Variants in DNMBP observed in about 807,000 individuals in gnomAD.
DNMBP encodes the protein dynamin-binding protein.
In DNMBP, 87 loss-of-function variants were observed where a neutral mutation model predicts 150.0. That is an observed-to-expected ratio of 0.58 (90% CI 0.49 to 0.69). The LOEUF is 0.69. DNMBP is among the 30% of genes least tolerant of loss of function. DNMBP has a pLI of 0.00. For missense variants in DNMBP, 1,774 were observed against 1,949.0 expected, an observed-to-expected ratio of 0.91 and a Z score of 1.69; for synonymous variants, 711 against 750.4, an observed-to-expected ratio of 0.95 and a Z score of 0.86.
Position 99,884,078 on chromosome 10 carries a change from G to T in DNMBP, c.3930C>A (p.Asp1310Glu), listed in dbSNP as rs1190756415. ...CTTTTTTCTTAATCACACCCACCAG[G>T]TCACCTTCCAAAAGTGAGACATCCA... ...QDLDVSLLEG[D>E]LVGVIKKKDP... Residue 1310 changes from aspartate (D) to glutamate (E), a missense_variant, in exon 15 of 17, where the codon GAC (aspartate) becomes GAA (glutamate). Physicochemically the swap from Asp to Glu is conservative, Grantham distance 45. Coordinates refer to ENST00000324109, the MANE Select transcript of DNMBP (RefSeq NM_015221.4). The T allele has an allele frequency of 6.2e-7, 1 of 1,613,880 alleles. No individual in the cohort carries two copies. The highest frequency in any genetic ancestry group is 1.3e-5 in the African/African-American group (1 of 74,856).
In DNMBP at chr10:99,879,939, T is replaced by C. The variant is rs757529297; in HGVS notation, c.4420A>G (p.Ile1474Val). The stretch of plus-strand genomic sequence containing the variant: ...CGTCCTGGTACGGAGTAGCCAACTA[T>C]TTCTGGATGCCTGAAGTTCCGGTAG... ...RSYRNFRHPE[I>V]VGYSVPGRNG... Residue 1474 changes from isoleucine to valine, a missense_variant, in exon 16 of 17, where the codon ATA becomes GTA. By Grantham distance (29) the Ile-to-Val change is conservative. This residue lies in a region of DNMBP where 1,430 missense variants were observed against 1,492.5 expected (regional missense o/e 0.96). Coordinates refer to ENST00000324109, the MANE Select transcript of DNMBP (RefSeq NM_015221.4). 14 of 1,614,110 alleles carry C rather than the reference T, an allele frequency of 8.7e-6. No homozygotes were observed. In the South Asian group the frequency reaches 1.5e-4, roughly 18 times the overall value.
At chr10:99,945,560 G>A (rs1305563700) in intron 4 of DNMBP, among the ~76,000 whole-genome samples, 2 of 152,188 alleles carry the variant, frequency 1.3e-5, no homozygotes, top group Admixed American at 6.6e-5. Context: ...GATCTTATAA[G>A]GGTAGTCTAA....
At position 99,879,895 on chromosome 10, in the gene DNMBP, G is replaced by T; in HGVS notation, c.4464C>A (p.Asp1488Glu). 2 of 1,614,246 alleles carry T rather than the reference G, an allele frequency of 1.2e-6. No homozygotes were observed. Among genetic ancestry groups the T allele is most frequent in the Non-Finnish European group, 1.7e-6 (2 of 1,180,042 alleles). ...CTGTTCTTGCACATCCTTTGACGAG[G>T]TCTTGACTTTGCCCATTTCGTCCTG... is the stretch of plus-strand genomic sequence containing the variant. Reference protein sequence around the residue: ...SVPGRNGQSQDLVKGCARTAQ... With the variant: ...SVPGRNGQSQELVKGCARTAQ... Residue 1488 changes from aspartate (D) to glutamate (E), a missense_variant, in exon 16 of 17, where the codon GAC (aspartate) becomes GAA (glutamate). Around this residue, in one of 2 missense-constraint regions of DNMBP, gnomAD observed 1,430 missense variants for 1,492.5 expected, o/e 0.96. Transcript: ENST00000324109.
At chr10:99,898,372 A>T (rs771034238) in intron 8 of DNMBP, 87 bp from the exon 9 acceptor site, 2 of 1,162,448 alleles carry the variant, frequency 1.7e-6, no homozygotes, top group South Asian at 2.5e-5. Flanking sequence ...CCTTAAAAAA[A>T]ACTTTTTTTT....
intron 4 of DNMBP, among the ~76,000 whole-genome samples, chr10:99,949,436 A>G (rs1392355037): frequency 6.6e-6 from 1 of 152,246 alleles, no homozygotes; most frequent in Non-Finnish European, 1.5e-5. Context: ...GAACCAGATT[A>G]GAGAAGTAAT....
At position 99,880,370 on chromosome 10, in the gene DNMBP, G is replaced by C; in HGVS notation, c.3998-9C>G. The C allele has an allele frequency of 1.9e-6, 3 of 1,555,514 alleles. No homozygotes were observed. Among genetic ancestry groups the C allele is most frequent in the Non-Finnish European group, 2.6e-6 (3 of 1,154,502 alleles). ...CACGAAGCCTTTGGTGACTACAAAGGAAACAGGAAATATAAACAAGAACTC... is the reference window on the plus strand; with the variant it reads ...CACGAAGCCTTTGGTGACTACAAAGCAAACAGGAAATATAAACAAGAACTC... On this transcript the variant is annotated splice_polypyrimidine_tract_variant and intron_variant, in intron 15 of 16. Transcript: ENST00000324109.
chr10:99,958,273 A>G (rs973422174), intron 3 of DNMBP: 3 of 152,256 alleles, frequency 2.0e-5, no homozygotes, highest in Non-Finnish European at 4.4e-5. Flanking sequence ...TCAGTTAAGA[A>G]GCAATACAAA....
At chr10:99,889,861 C>G (rs953188834) in intron 11 of DNMBP, among the ~76,000 whole-genome samples, 5 of 152,108 alleles carry the variant, frequency 3.3e-5, no homozygotes, top group Admixed American at 3.3e-4. Flanking sequence ...AGTAAATTAT[C>G]AAATTAGAAC....
intron 6 of DNMBP, among the ~76,000 whole-genome samples, chr10:99,904,223 C>G (rs888912812): frequency 1.3e-5 from 2 of 152,082 alleles, no homozygotes; most frequent in East Asian, 3.9e-4. Flanking sequence ...CTGCTACACC[C>G]CAGCTTGGGA....
intron 1 of DNMBP, among the ~76,000 whole-genome samples, chr10:100,003,770 C>T (rs1306406744): frequency 6.6e-6 from 1 of 151,870 alleles, no homozygotes; most frequent in African/African-American, 2.4e-5. Context: ...TATCATCGCA[C>T]CACTGTACTC....
chr10:99,902,962 T>C (rs2039767380), intron 6 of DNMBP, among the ~76,000 whole-genome samples: 2 of 151,094 alleles, frequency 1.3e-5, no homozygotes, highest in African/African-American at 4.9e-5. Context: ...TGAGACAAGG[T>C]CTCACTCCAC....
intron 1 of DNMBP, among the ~76,000 whole-genome samples, chr10:99,987,273 C>A (rs2040838417): frequency 1.3e-5 from 2 of 151,912 alleles, no homozygotes; most frequent in Admixed American, 1.3e-4. Context: ...GAGGCCGAGG[C>A]TAGGATCACT....
chr10:99,966,988 C>T (rs777272647), intron 3 of DNMBP, among the ~76,000 whole-genome samples: 1 of 147,990 alleles, frequency 6.8e-6, no homozygotes, highest in Admixed American at 6.8e-5. Flanking sequence ...GTAGAGACAG[C>T]GTCCTGCCAT....
intron 11 of DNMBP, among the ~76,000 whole-genome samples, chr10:99,891,740 CCGG>C (rs2039566093): frequency 2.1e-5 from 3 of 144,922 alleles, no homozygotes; most frequent in African/African-American, 8.4e-5. Flanking sequence ...GCACCTCTTC[CCGG>C]CCGCCATCAC....
chr10:99,930,016 T>C (rs1332957104), intron 4 of DNMBP: 2 of 703,052 alleles, frequency 2.8e-6, no homozygotes, highest in Admixed American at 4.0e-5. Context: ...GTCTTTGCTT[T>C]GGGATACATG....
chr10:99,897,490 C>T (rs2039672519), intron 9 of DNMBP, among the ~76,000 whole-genome samples: 5 of 152,220 alleles, frequency 3.3e-5, no homozygotes, highest in Admixed American at 3.3e-4. Context: ...GAGGAGGAAA[C>T]TGCCCGTGCT....
intron 8 of DNMBP, 25 bp from the exon 9 acceptor site, chr10:99,898,310 T>TA (rs1409090109): frequency 2.5e-6 from 4 of 1,589,190 alleles, no homozygotes; most frequent in Non-Finnish European, 3.5e-6. Context: ...AAAAAGACTT[T>TA]AGTAAGCTAT....
chr10:99,988,279 C>T (rs1412511931), intron 1 of DNMBP, among the ~76,000 whole-genome samples: 1 of 152,082 alleles, frequency 6.6e-6, no homozygotes, highest in Non-Finnish European at 1.5e-5. Flanking sequence ...TTTTTTGTTA[C>T]AGATTTTTAC....
chr10:99,885,219 C>CCA (rs2039438285), intron 14 of DNMBP, among the ~76,000 whole-genome samples: 1 of 151,818 alleles, frequency 6.6e-6, no homozygotes, highest in South Asian at 2.1e-4. Flanking sequence ...CCCTCCCCCC[C>CCA]ACAAAAAAAG....
Sources: allele counts gnomAD v4.1 joint callset (sites outside exome capture counted in the v4.1 genomes callset), GRCh38; gene constraint gnomAD v4.1.1; regional missense constraint gnomAD v4.1.1; transcripts MANE v1.5; gene names NCBI Gene and HGNC (gene_info 2026-07-23, HGNC 2026-07-21).